Variants in AFDN observed in about 807,000 individuals in gnomAD.
The protein encoded by AFDN is afadin.
AFDN carries 68 observed loss-of-function variants against 216.6 expected under a neutral mutation model. The ratio of observed to expected loss-of-function variants is 0.31; its 90% CI spans 0.26 to 0.38. The LOEUF (loss-of-function observed/expected upper bound fraction) is 0.38. AFDN is among the 10% of genes least tolerant of loss of function. The pLI is 1.00. For missense variants in AFDN, 2,136 were observed against 2,342.0 expected, an observed-to-expected ratio of 0.91 and a Z score of 1.82; for synonymous variants, 868 against 853.7, an observed-to-expected ratio of 1.02 and a Z score of -0.29.
chr6:167,864,366 A>G (rs910854451), intron 1 of AFDN, 185 bp from the exon 2 acceptor site: 1 of 765,578 alleles, frequency 1.3e-6, no homozygotes, highest in African/African-American at 1.7e-5. Flanking sequence ...AGAAATTGTT[A>G]GTAACTTGTT....
At chr6:167,969,756 A>G in intron 33 of AFDN, 26 bp from the exon 34 acceptor site, 1 of 1,581,440 alleles carries the variant, frequency 6.3e-7, no homozygotes, top group Non-Finnish European at 8.6e-7. Context: ...TTGTCCAGTA[A>G]TCTTTGATAT....
chr6:167,938,445 G>A (rs926255792), intron 23 of AFDN, among the ~76,000 whole-genome samples: 1 of 152,146 alleles, frequency 6.6e-6, no homozygotes, highest in Non-Finnish European at 1.5e-5. Flanking sequence ...AGAGAGACCA[G>A]AAGATCAGTC....
chr6:167,936,778 C>T (rs1479159871), intron 23 of AFDN, among the ~76,000 whole-genome samples: 1 of 152,134 alleles, frequency 6.6e-6, no homozygotes, highest in Non-Finnish European at 1.5e-5. Flanking sequence ...CCTGCACTGC[C>T]ATAGCCAGAC....
chr6:167,893,871 A>G lies in AFDN; in HGVS notation c.1187A>G (p.Asn396Ser). ...TGTGTCTTAACCCCAGGGAGAAGGAATCACTTTGCCTACTACAACTATCAC... is the reference window on the plus strand; with the variant it reads ...TGTGTCTTAACCCCAGGGAGAAGGAGTCACTTTGCCTACTACAACTATCAC... ...YLVELSPGRRNHFAYYNYHTY... is the reference protein window; with the variant it reads ...YLVELSPGRRSHFAYYNYHTY... The change falls in exon 9 of 34, where the codon AAT becomes AGT. Residue 396 changes from asparagine to serine, a missense_variant. By Grantham distance (46) the Asn-to-Ser change is conservative. Coordinates refer to ENST00000683244, the MANE Select transcript of AFDN (RefSeq NM_001386888.1). 3 of 1,588,344 alleles carry G rather than the reference A, an allele frequency of 1.9e-6. No individual in the cohort carries two copies.
Position 167,946,748 on chromosome 6 carries a change from G to A in AFDN, c.3400G>A (p.Glu1134Lys), listed in dbSNP as rs1310387389. Residue 1134 changes from glutamate to lysine, a missense_variant, in exon 27 of 34, where the codon GAA becomes AAA. Physicochemically the swap from Glu to Lys is moderately conservative, Grantham distance 56. Transcript: ENST00000683244. Reference sequence around the variant, plus strand: ...CTCAGGTAAACCCCGACCAAAGAGTGAAGGCTTTGAGCTCTATAATAATTC... The same window carrying A: ...CTCAGGTAAACCCCGACCAAAGAGTAAAGGCTTTGAGCTCTATAATAATTC... Reference protein sequence around the residue: ...RGSGKPRPKSEGFELYNNSTQ... With the variant: ...RGSGKPRPKSKGFELYNNSTQ... 6.2e-7 allele frequency: 1 copy of A among 1,614,104 alleles called. No homozygotes were observed. The highest frequency in any genetic ancestry group is 1.3e-5 in the African/African-American group (1 of 75,046).
intron 10 of AFDN, 101 bp from the exon 11 acceptor site, chr6:167,898,104 G>A: frequency 7.8e-7 from 1 of 1,275,906 alleles, no homozygotes; most frequent in Non-Finnish European, 1.1e-6. Context: ...AGCTTATTAG[G>A]TTATATTTGT....
In AFDN at chr6:167,965,999, T is replaced by C; in HGVS notation, c.5211T>C (p.Phe1737=). 6.4e-7 allele frequency: 1 copy of C among 1,550,768 alleles called. No individual in the cohort carries two copies. Among genetic ancestry groups the C allele is most frequent in the Non-Finnish European group, 8.7e-7 (1 of 1,146,998 alleles). The part of the protein sequence containing the change: ...LSPDSLFTAK[F]VAYNEEEEEE... ...CCGACTCGCTGTTCACTGCCAAGTT[T>C]GTTGCATACAATGAGGAGGAGGAGG... The change falls in exon 32 of 34, where the codon TTT becomes TTC. Residue 1737 remains phenylalanine (F), a synonymous_variant. Transcript: ENST00000683244.
In AFDN at chr6:167,970,045, T is replaced by G. The variant is rs988607599; in HGVS notation, c.*110T>G. ...GAAGGGGGTTATATTTCTAAGTGAT[T>G]TACAATTTCTGTTTCTAAAATTGTT... On this transcript the variant is annotated 3_prime_UTR_variant, in exon 34 of 34. Coordinates refer to ENST00000683244, the MANE Select transcript of AFDN (RefSeq NM_001386888.1). 1.2e-5 allele frequency: 10 copies of G among 837,108 alleles called. No homozygotes were observed. The highest frequency in any genetic ancestry group is 1.8e-5 in the Non-Finnish European group (10 of 569,254). The allele number at this position is 837,108 out of a possible 1,614,324, so 51.9% of individuals were successfully genotyped here. A position where few individuals can be genotyped will look rare whatever the true frequency, so the allele number is the denominator to read the frequency against.
chr6:167,951,776 T>C lies in AFDN; in HGVS notation c.4422T>C (p.Pro1474=), dbSNP rs138091504. 6.2e-7 allele frequency: 1 copy of C among 1,613,966 alleles called. No individual in the cohort carries two copies. Among genetic ancestry groups the C allele is most frequent in the South Asian group, 1.1e-5 (1 of 91,088 alleles). ...CACAGCAGATGAAGCCCGAAAAGCC[T>C]TCCACACTCCAGCGGCCACAGGAAA... ...LTAQQMKPEK[P]STLQRPQETV... Residue 1474 remains proline (P), a synonymous_variant, in exon 30 of 34, where the codon CCT becomes CCC. Coordinates refer to ENST00000683244, the MANE Select transcript of AFDN (RefSeq NM_001386888.1). This position sits in a 1 kb window ranked among gnomAD's most constrained non-coding sequence, Gnocchi z 7.1.
At chr6:167,954,362 T>C (rs765402225) in intron 30 of AFDN, 40 of 933,290 alleles carry the variant, frequency 4.3e-5, no homozygotes, top group Non-Finnish European at 5.8e-5. Context: ...CGCATGATAG[T>C]GAGAAAATAT....
At chr6:167,845,171 T>G (rs1171523399) in intron 1 of AFDN, among the ~76,000 whole-genome samples, 1 of 152,212 alleles carries the variant, frequency 6.6e-6, no homozygotes, top group Non-Finnish European at 1.5e-5. Flanking sequence ...AGGGCATCTT[T>G]CATGAATGTT....
chr6:167,923,400 C>T (rs574306392), intron 22 of AFDN, among the ~76,000 whole-genome samples: 1 of 152,126 alleles, frequency 6.6e-6, no homozygotes, highest in South Asian at 2.1e-4. Flanking sequence ...TTCCCAGTTT[C>T]ATACATGTTA....
intron 23 of AFDN, among the ~76,000 whole-genome samples, chr6:167,926,875 A>G (rs1792609631): frequency 6.6e-6 from 1 of 152,216 alleles, no homozygotes; most frequent in African/African-American, 2.4e-5. Flanking sequence ...CCACTCCCAG[A>G]CACAGTCCCC....
In AFDN at chr6:167,851,466, G is replaced by A. The variant is rs539557600; in HGVS notation, c.106-13085G>A. On this transcript the variant is annotated intron_variant, in intron 1 of 33. Coordinates refer to ENST00000683244, the MANE Select transcript of AFDN (RefSeq NM_001386888.1). ...TCCAGTGGGTCCCAATGTGTTGTTCGCCTCTATGCACACCCACCTTTTCAA... is the reference window on the plus strand; with the variant it reads ...TCCAGTGGGTCCCAATGTGTTGTTCACCTCTATGCACACCCACCTTTTCAA... Among the ~76,000 whole-genome samples the A allele has an allele frequency of 3.9e-5, 6 of 152,070 alleles. 1 individual carries two copies. The highest frequency in any genetic ancestry group is 2.6e-4 in the Admixed American group (4 of 15,260).
intron 25 of AFDN, 95 bp from the exon 26 acceptor site, chr6:167,943,846 G>A (rs1467246640): frequency 9.6e-7 from 1 of 1,036,688 alleles, no homozygotes; most frequent in Non-Finnish European, 1.5e-6. Context: ...ATGAAGCTGT[G>A]TAACATGATT....
At chr6:167,920,863 C>A (rs1791701891) in intron 21 of AFDN, among the ~76,000 whole-genome samples, 1 of 152,144 alleles carries the variant, frequency 6.6e-6, no homozygotes, top group Non-Finnish European at 1.5e-5. Flanking sequence ...TGTGGAAAAC[C>A]TCAGTGTCTT....
At chr6:167,910,527 C>T (rs1790249613) in intron 13 of AFDN, among the ~76,000 whole-genome samples, 1 of 152,048 alleles carries the variant, frequency 6.6e-6, no homozygotes, top group South Asian at 2.1e-4. Context: ...TTTATGTGAC[C>T]GTAAGAAGAA....
intron 5 of AFDN, among the ~76,000 whole-genome samples, chr6:167,877,902 C>G (rs1007742594): frequency 6.6e-6 from 1 of 152,102 alleles, no homozygotes; most frequent in Non-Finnish European, 1.5e-5. Flanking sequence ...CACCTCACAG[C>G]TGATCAGGCA....
chr6:167,963,428 T>G (rs1797234115), intron 31 of AFDN: 1 of 1,054,402 alleles, frequency 9.5e-7, no homozygotes, highest in Non-Finnish European at 1.1e-6. Context: ...AATTTAGTTT[T>G]TATTAATAAT....
Sources: gnomAD v4.1 joint callset for allele counts (sites outside exome capture counted in the v4.1 genomes callset) on GRCh38, gnomAD v4.1.1 for gene constraint, Gnocchi (gnomAD v3.1) non-coding constraint, MANE v1.5 for transcripts, NCBI Gene and HGNC (gene_info 2026-07-23, HGNC 2026-07-21) for gene names.